Variants in SYT1 observed in about 807,000 individuals in gnomAD.
The protein encoded by SYT1 is synaptotagmin 1.
A neutral mutation model predicts 44.8 loss-of-function variants in SYT1; 8 were observed. The observed-to-expected ratio is 0.18, with a 90% CI of 0.10 to 0.32. The LOEUF (loss-of-function observed/expected upper bound fraction) is 0.32. Ranked by LOEUF, SYT1 falls within the 10% of genes least tolerant of loss-of-function variation. SYT1 has a pLI of 1.00. For synonymous variants in SYT1, 154 were observed against 188.8 expected (o/e 0.82, Z 1.51); for missense variants, 286 against 509.3 (o/e 0.56, Z 4.22).
At chr12:78,950,274 G>A (rs1878891509) in intron 1 of SYT1, among the ~76,000 whole-genome samples, 1 of 152,030 alleles carries the variant, frequency 6.6e-6, no homozygotes, top group Non-Finnish European at 1.5e-5. Flanking sequence ...TGTCACTACA[G>A]TGTTTAATTA....
chr12:78,909,346 G>T, intron 1 of SYT1, among the ~76,000 whole-genome samples: 1 of 151,604 alleles, frequency 6.6e-6, no homozygotes, highest in African/African-American at 2.4e-5. Flanking sequence ...TTATTTTCTA[G>T]GTAGAAAAAT....
chr12:78,946,514 G>T (rs922112470), intron 1 of SYT1, among the ~76,000 whole-genome samples: 4 of 151,976 alleles, frequency 2.6e-5, no homozygotes. Flanking sequence ...AATTAGCCAG[G>T]TGTGGTGGCA....
At chr12:78,995,168 C>G (rs1488511044) in intron 2 of SYT1, among the ~76,000 whole-genome samples, 1 of 152,204 alleles carries the variant, frequency 6.6e-6, no homozygotes, top group Non-Finnish European at 1.5e-5. Context: ...GCTAAATGCA[C>G]AGTGAAGCCT....
intron 3 of SYT1, among the ~76,000 whole-genome samples, chr12:79,178,774 T>C (rs1156958024): frequency 6.6e-6 from 1 of 150,646 alleles, no homozygotes; most frequent in Non-Finnish European, 1.5e-5. Flanking sequence ...TTTATTTATT[T>C]ATATTTATTT....
intron 1 of SYT1, among the ~76,000 whole-genome samples, chr12:78,917,815 T>G (rs1374370293): frequency 6.6e-6 from 1 of 151,996 alleles, no homozygotes; most frequent in South Asian, 2.1e-4. Context: ...GCCTACGTTG[T>G]TGGATAGCCT....
At chr12:78,871,316 G>A (rs1243754604) in intron 1 of SYT1, among the ~76,000 whole-genome samples, 1 of 151,974 alleles carries the variant, frequency 6.6e-6, no homozygotes. Context: ...GTTTCTGCAA[G>A]TATAAACAAT....
At chr12:79,388,433 A>G (rs1220866414) in intron 9 of SYT1, among the ~76,000 whole-genome samples, 1 of 152,164 alleles carries the variant, frequency 6.6e-6, no homozygotes, top group Non-Finnish European at 1.5e-5. Flanking sequence ...AGTGGCTCAC[A>G]TCTGTAATCA....
rs76208941 is a variant in SYT1, at chr12:79,009,202, A to G, written c.-84+31271A>G. ...GCTCTATAAATGGTTAGTACTTTCT[A>G]TGAGAAAAAAGTCTCTATGATTACT... On this transcript the variant is annotated intron_variant, in intron 2 of 10. Coordinates refer to ENST00000261205, the MANE Select transcript of SYT1 (RefSeq NM_005639.3). 3.1e-3 allele frequency among the ~76,000 whole-genome samples: 469 copies of G among 152,324 alleles called. 3 individuals are homozygous for G. Among genetic ancestry groups the G allele is most frequent in the African/African-American group, 0.011 (446 of 41,590 alleles).
chr12:79,344,967 A>C (rs1431477647), intron 8 of SYT1, among the ~76,000 whole-genome samples: 1 of 152,222 alleles, frequency 6.6e-6, no homozygotes, highest in Non-Finnish European at 1.5e-5. Context: ...TGAATTTTAC[A>C]CTTACAGAAG....
chr12:79,219,012 C>T (rs964367468), intron 4 of SYT1, among the ~76,000 whole-genome samples: 2 of 152,140 alleles, frequency 1.3e-5, no homozygotes, highest in African/African-American at 4.8e-5. Flanking sequence ...TCTCCACATC[C>T]TCGCCAACAC....
At chr12:79,118,272 C>T (rs2138121416) in intron 3 of SYT1, among the ~76,000 whole-genome samples, 1 of 152,292 alleles carries the variant, frequency 6.6e-6, no homozygotes, top group South Asian at 2.1e-4. Flanking sequence ...TTGAACTCCA[C>T]TAAAACTATG....
chr12:79,161,204 C>T (rs1426251609), intron 3 of SYT1, among the ~76,000 whole-genome samples: 1 of 152,120 alleles, frequency 6.6e-6, no homozygotes, highest in Non-Finnish European at 1.5e-5. Flanking sequence ...TGTGCCACTG[C>T]AATCCAGCCT....
intron 8 of SYT1, among the ~76,000 whole-genome samples, chr12:79,352,153 CTT>C (rs1298291859): frequency 1.3e-5 from 2 of 149,000 alleles, no homozygotes; most frequent in East Asian, 4.1e-4. Flanking sequence ...AAATTACAAT[CTT>C]TCTCTTTTGA....
At chr12:79,175,252 C>T (rs2138369169) in intron 3 of SYT1, among the ~76,000 whole-genome samples, 1 of 152,108 alleles carries the variant, frequency 6.6e-6, no homozygotes, top group South Asian at 2.1e-4. Context: ...CCTGGTTGAT[C>T]AGAGGAAAGT....
At chr12:79,131,955 A>T (rs541882691) in intron 3 of SYT1, among the ~76,000 whole-genome samples, 3 of 152,172 alleles carry the variant, frequency 2.0e-5, no homozygotes, top group Non-Finnish European at 2.9e-5. Flanking sequence ...GAAGTTTTTT[A>T]TTCCTTTTGA....
intron 4 of SYT1, among the ~76,000 whole-genome samples, chr12:79,232,374 T>A (rs1476348617): frequency 6.6e-6 from 1 of 152,200 alleles, no homozygotes; most frequent in East Asian, 1.9e-4. Flanking sequence ...ATGATATGGC[T>A]CTTGCATATG....
Position 79,331,812 on chromosome 12 carries a change from T to C in SYT1, c.811-21690T>C, listed in dbSNP as rs111901817. On this transcript the variant is annotated intron_variant, in intron 8 of 10. Transcript: ENST00000261205. ...CCAATAGGATATCATATAATAAAAT[T>C]ATAGGTAAAAGCCACAAAAAAAAAT... is the stretch of plus-strand genomic sequence containing the variant. 6.7e-3 allele frequency among the ~76,000 whole-genome samples: 1,009 copies of C among 150,630 alleles called. 9 individuals carry two copies. Among genetic ancestry groups the C allele is most frequent in the African/African-American group, 0.024 (957 of 40,362 alleles).
chr12:79,087,343 C>T (rs1383406004), intron 3 of SYT1, among the ~76,000 whole-genome samples: 1 of 152,090 alleles, frequency 6.6e-6, no homozygotes, highest in Non-Finnish European at 1.5e-5. Flanking sequence ...CTAAATAGGA[C>T]ATTTATTTGA....
chr12:79,078,530 G>GT (rs1395043620), intron 3 of SYT1, among the ~76,000 whole-genome samples: 2 of 151,872 alleles, frequency 1.3e-5, no homozygotes, highest in Non-Finnish European at 2.9e-5. Context: ...CAACCTCCTT[G>GT]TTTTTTTCTT....
Sources: allele counts gnomAD v4.1 joint callset (sites outside exome capture counted in the v4.1 genomes callset), GRCh38; gene constraint gnomAD v4.1.1; transcripts MANE v1.5; gene names NCBI Gene and HGNC (gene_info 2026-07-23, HGNC 2026-07-21).